BSG: variants seen among roughly 807,000 people sequenced by gnomAD.
The protein encoded by BSG is basigin (Ok blood group).
In BSG, 37 loss-of-function variants were observed where a neutral mutation model predicts 43.1. The observed-to-expected ratio is 0.86, with a 90% confidence interval of 0.66 to 1.13. The LOEUF (loss-of-function observed/expected upper bound fraction) is 1.13. Ranked by LOEUF, BSG falls within the 50% of genes most tolerant of loss-of-function variation. The pLI, the probability that BSG is intolerant of heterozygous loss-of-function variation, is 0.00. For synonymous variants in BSG, 309 were observed against 238.7 expected, an observed-to-expected ratio of 1.29 and a Z score of -2.72; for missense variants, 599 against 554.2, an observed-to-expected ratio of 1.08 and a Z score of -0.81.
At chr19:579,744 C>A in intron 3 of BSG, 88 bp downstream of exon 3, 2 of 1,508,522 alleles carry the variant, frequency 1.3e-6, no homozygotes, top group Non-Finnish European at 1.8e-6. Flanking sequence ...GAACAAAAGA[C>A]CGGTCGGCAG....
chr19:582,905 A>G lies in BSG; in HGVS notation c.*161A>G. ...TTTTTAAAAAAGTTGGGTTTTCTCC[A>G]TTCAGGATTCTGTTCCTTAGGTTTT... On this transcript the variant is annotated 3_prime_UTR_variant, in exon 9 of 9. Transcript: ENST00000333511. 1 of 397,032 alleles carries G rather than the reference A, an allele frequency of 2.5e-6. No individual in the cohort carries two copies. The highest frequency in any genetic ancestry group is 3.4e-5 in the South Asian group (1 of 29,058). The allele number at this position is 397,032 out of a possible 1,614,324, so 24.6% of individuals were successfully genotyped here.
chr19:575,665 A>C (rs1981704184), intron 1 of BSG, among the ~76,000 whole-genome samples: 1 of 151,452 alleles, frequency 6.6e-6, no homozygotes, highest in South Asian at 2.1e-4. Context: ...GCTTGTGTAC[A>C]AGTACCACGC....
At chr19:580,264 G>GA in intron 3 of BSG, 115 bp from the exon 4 acceptor site, 1 of 914,618 alleles carries the variant, frequency 1.1e-6, no homozygotes, top group Admixed American at 2.1e-5. Flanking sequence ...GTTCAGACTT[G>GA]ACTGGGACAG....
Position 579,704 on chromosome 19 carries a change from C to G in BSG, c.572+48C>G, listed in dbSNP as rs369274639. The G allele has an allele frequency of 2.6e-6, 4 of 1,561,898 alleles. No individual in the cohort carries two copies. In the South Asian group the frequency reaches 3.6e-5, roughly 14 times the overall value. ...CCGCCACCTGCCCCTTCTCACGGCT[C>G]TCTTGCCGCCAGCGGCCTGTGGTCC... On this transcript the variant is annotated intron_variant, in intron 3 of 8. Transcript: ENST00000333511.
intron 2 of BSG, among the ~76,000 whole-genome samples, chr19:578,489 A>G (rs1981983714): frequency 6.6e-6 from 1 of 152,276 alleles, no homozygotes; most frequent in African/African-American, 2.4e-5. Flanking sequence ...CCAGGCTTGC[A>G]GGTCTCAGAA....
At position 577,826 on chromosome 19, in the gene BSG, G is replaced by A; in HGVS notation, c.120G>A (p.Val40=). The change falls in exon 2 of 9, where the codon GTG becomes GTA. Residue 40 remains valine (V), a synonymous_variant. Transcript: ENST00000333511. The stretch of plus-strand genomic sequence containing the variant: ...AGCAGAGGTGGGTGGGGGGCAGTGT[G>A]GAGCTGCACTGCGAGGCCGTGGGCA... ...LSQQRWVGGS[V]ELHCEAVGSP... is the part of the protein sequence containing the mutation. 1 of 1,490,828 alleles carries A rather than the reference G, an allele frequency of 6.7e-7. No individual in the cohort carries two copies. 92.3% of individuals were successfully genotyped at this position (1,490,828 alleles called of 1,614,324 possible). A position where few individuals can be genotyped will look rare whatever the true frequency, so the allele number is the denominator to read the frequency against.
upstream of BSG, chr19:571,711 G>T: frequency 1.4e-6 from 1 of 704,092 alleles, no homozygotes. Context: ...ACGGAAGGGG[G>T]CTGCCTGCGT....
At chr19:572,372 G>GC (rs1230101498), upstream of BSG, 27 of 1,095,804 alleles carry the variant, frequency 2.5e-5, no homozygotes, top group Non-Finnish European at 3.0e-5. Context: ...GTCCCCGCAG[G>GC]CCCCACTCCC....
At chr19:571,824 C>T (rs1232068310), upstream of BSG, 3 of 544,062 alleles carry the variant, frequency 5.5e-6, no homozygotes, top group African/African-American at 1.9e-5. Context: ...AAGCTGATCC[C>T]GGTTGGCTAA....
chr19:579,751 G>C, intron 3 of BSG, 95 bp downstream of exon 3: 1 of 1,493,356 alleles, frequency 6.7e-7, no homozygotes. Flanking sequence ...AGACCGGTCG[G>C]CAGGCTTGAT....
chr19:578,764 T>C (rs1982008238), intron 2 of BSG: 1 of 286,850 alleles, frequency 3.5e-6, no homozygotes, highest in Non-Finnish European at 6.9e-6. Flanking sequence ...AGATGGAGTC[T>C]TGCTGTTCCC....
rs752895695 is a variant in BSG, at chr19:572,703, TGAG to T, written c.67+6_67+8del. ...GCACCCACGGAGCCTCCGGGGCTGG[TGAG>T]GAGCGGGTAGGGGGCGGGGGTGCGG... On this transcript the variant is annotated splice_donor_5th_base_variant and intron_variant, in intron 1 of 8. Coordinates refer to ENST00000333511, the MANE Select transcript of BSG (RefSeq NM_001728.4). The T allele has an allele frequency of 4.7e-5, 69 of 1,476,028 alleles. 1 individual carries two copies. The highest frequency in any genetic ancestry group is 3.0e-4 in the South Asian group (23 of 76,480). The allele number at this position is 1,476,028 out of a possible 1,614,324, so 91.4% of individuals were successfully genotyped here.
At chr19:581,120 T>C (rs1407652718) in intron 5 of BSG, among the ~76,000 whole-genome samples, 195 bp from the exon 6 acceptor site, 2 of 90,608 alleles carry the variant, frequency 2.2e-5, no homozygotes, top group Non-Finnish European at 4.2e-5. Context: ...CCCTCAGGAC[T>C]GGGTGAGGGG....
At chr19:572,796 G>C in intron 1 of BSG, 95 bp downstream of exon 1, 1 of 1,267,592 alleles carries the variant, frequency 7.9e-7, no homozygotes, top group Non-Finnish European at 1.0e-6. Context: ...CTGGGGCCTC[G>C]GCGCGGGGCG....
upstream of BSG, chr19:571,334 G>A (rs1426488769): frequency 3.3e-6 from 2 of 597,102 alleles, no homozygotes; most frequent in African/African-American, 1.9e-5. Flanking sequence ...GTTCGGCTTA[G>A]TCTGCGGTCC....
rs772237058 is a variant in BSG at position 572,645 on chromosome 19, C to A, written c.11C>A (p.Ala4Glu). The A allele has an allele frequency of 4.0e-6, 6 of 1,504,556 alleles. No individual in the cohort carries two copies. Among genetic ancestry groups the A allele is most frequent in the African/African-American group, 1.4e-5 (1 of 69,292 alleles). The allele number at this position is 1,504,556 out of a possible 1,614,324, so 93.2% of individuals were successfully genotyped here. MAA[A>E]LFVLLGFALL... is the part of the protein sequence containing the mutation. ...CGAGGAATAGGAATCATGGCGGCTG[C>A]GCTGTTCGTGCTGCTGGGATTCGCG... The change falls in exon 1 of 9, where the codon GCG becomes GAG. Residue 4 changes from alanine (A) to glutamate (E), a missense_variant. Coordinates refer to ENST00000333511, the MANE Select transcript of BSG (RefSeq NM_001728.4).
In BSG at chr19:575,727, G is replaced by T. The variant is rs1981710272; in HGVS notation, c.68-2047G>T. On this transcript the variant is annotated intron_variant, in intron 1 of 8. Coordinates refer to ENST00000333511, the MANE Select transcript of BSG (RefSeq NM_001728.4). ...AAGGAGGCGGAGGCTGTTTTTAGATGAAGGTGACTTTACTTGAGAACATGG... is the reference window on the plus strand; with the variant it reads ...AAGGAGGCGGAGGCTGTTTTTAGATTAAGGTGACTTTACTTGAGAACATGG... Among the ~76,000 whole-genome samples the T allele has an allele frequency of 2.0e-5, 3 of 152,138 alleles. No homozygotes were observed. In the South Asian group the frequency reaches 6.2e-4, roughly 32 times the overall value.
intron 1 of BSG, among the ~76,000 whole-genome samples, chr19:574,669 A>G (rs991209244): frequency 4.6e-5 from 7 of 152,202 alleles, no homozygotes; most frequent in Admixed American, 3.9e-4. Context: ...TGTCCTGGGC[A>G]TTGAGCCGTA....
chr19:578,097 C>A lies in BSG; in HGVS notation c.391C>A (p.Gln131Lys). 2 of 1,591,436 alleles carry A rather than the reference C, an allele frequency of 1.3e-6. No homozygotes were observed. Among genetic ancestry groups the A allele is most frequent in the East Asian group, 2.3e-5 (1 of 44,120 alleles). Residue 131 changes from glutamine (Q) to lysine (K), a missense_variant, in exon 2 of 9, where the codon CAG becomes AAG. Physicochemically the swap from Gln to Lys is moderately conservative, Grantham distance 53. Transcript: ENST00000333511. Reference protein sequence around the residue: ...RAPRVKWVRAQAVVLVLEPGT... With the variant: ...RAPRVKWVRAKAVVLVLEPGT... ...GCCCAGGGTCAAGTGGGTCCGCGCC[C>A]AGGCAGTCGTGCTAGTCCTGGAACG...
Sources: gnomAD v4.1 joint callset for allele counts (sites outside exome capture counted in the v4.1 genomes callset) on GRCh38, gnomAD v4.1.1 for gene constraint, MANE v1.5 for transcripts, NCBI Gene and HGNC (gene_info 2026-07-23, HGNC 2026-07-21) for gene names.